TREH: variants seen among roughly 807,000 people sequenced by gnomAD.
TREH encodes trehalase, also known as alpha,alpha-trehalose glucohydrolase.
TREH carries 69 observed loss-of-function variants against 80.5 expected under a neutral mutation model. The observed-to-expected ratio is 0.86, with a 90% CI of 0.71 to 1.05. The LOEUF is 1.05. Among genes scored for constraint, TREH ranks in the 50% least tolerant of loss-of-function variants. The pLI is 0.00. For missense variants in TREH, 716 were observed against 718.8 expected (o/e 1.00, Z 0.04); for synonymous variants, 309 against 293.5 (o/e 1.05, Z -0.54).
chr11:118,661,452 TG>T lies in TREH; in HGVS notation c.674del (p.Pro225HisfsTer3). ...RVYYLQRSQP[P>X]LLTLMMDCYL... The stretch of plus-strand genomic sequence containing the variant: ...AGCAATCCATCATGAGGGTCAAGAG[TG>T]GGGGCTGGCTCCGCTGCAGGTAGTA... On this transcript the variant is annotated frameshift_variant, in exon 7 of 15. Coordinates refer to ENST00000264029, the MANE Select transcript of TREH (RefSeq NM_007180.3). LOFTEE classifies it high-confidence loss of function. The surrounding 1 kb of genome is among the most constrained non-coding windows in gnomAD (Gnocchi z 4.2). 1 of 1,613,468 alleles carries T rather than the reference TG, an allele frequency of 6.2e-7. No individual in the cohort carries two copies. Among genetic ancestry groups the T allele is most frequent in the African/African-American group, 1.3e-5 (1 of 74,876 alleles).
chr11:118,661,827 C>A lies in TREH; in HGVS notation c.524+63G>T. On this transcript the variant is annotated intron_variant, in intron 5 of 14. Transcript: ENST00000264029. This position sits in a 1 kb window ranked among gnomAD's most constrained non-coding sequence, Gnocchi z 4.2. ...GCCCTGCTGAAGACACCCTGCTGGCCCTGGGTTTCTCCACCACTGCCAGTC... is the reference window on the plus strand; with the variant it reads ...GCCCTGCTGAAGACACCCTGCTGGCACTGGGTTTCTCCACCACTGCCAGTC... 6.3e-7 allele frequency: 1 copy of A among 1,583,826 alleles called. No homozygotes were observed. Among genetic ancestry groups the A allele is most frequent in the East Asian group, 2.3e-5 (1 of 43,682 alleles).
intron 4 of TREH, 146 bp downstream of exon 4, chr11:118,662,735 G>A: frequency 1.2e-6 from 1 of 812,172 alleles, no homozygotes; most frequent in South Asian, 1.8e-5. Context: ...CTTTCTAGAG[G>A]GCCTCTATTT....
At chr11:118,669,067 C>T (rs1949407462) in intron 1 of TREH, among the ~76,000 whole-genome samples, 1 of 152,086 alleles carries the variant, frequency 6.6e-6, no homozygotes, top group Admixed American at 6.6e-5. Context: ...AGAAGACATA[C>T]AAATGGCAAA....
At position 118,661,480 on chromosome 11, in the gene TREH, A is replaced by C. The variant is rs1555144954; in HGVS notation, c.647T>G (p.Val216Gly). 6.2e-7 allele frequency: 1 copy of C among 1,613,710 alleles called. No homozygotes were observed. Among genetic ancestry groups the C allele is most frequent in the Admixed American group, 1.7e-5 (1 of 59,992 alleles). Residue 216 changes from valine (V) to glycine (G), a missense_variant, in exon 7 of 15, where the codon GTG (valine) becomes GGG (glycine). Transcript: ENST00000264029. The surrounding 1 kb of genome is among the most constrained non-coding windows in gnomAD (Gnocchi z 4.2). ...TYGHVPNGGRVYYLQRSQPPL... is the reference protein window; with the variant it reads ...TYGHVPNGGRGYYLQRSQPPL... ...GGGCTGGCTCCGCTGCAGGTAGTACACGCGCCCACCATTGGGGACATGCCC... is the reference window on the plus strand; with the variant it reads ...GGGCTGGCTCCGCTGCAGGTAGTACCCGCGCCCACCATTGGGGACATGCCC...
At chr11:118,663,787 G>A (rs1433967150) in intron 1 of TREH, among the ~76,000 whole-genome samples, 2 of 148,306 alleles carry the variant, frequency 1.3e-5, no homozygotes, top group African/African-American at 5.0e-5. Flanking sequence ...GTGTAGACTC[G>A]ATCGGAAGGG....
chr11:118,661,102 A>G lies in TREH; in HGVS notation c.857+58T>C. ...TCCTCCTCCTGCCCGGGGCATTGTG[A>G]TGCTCTAACCAGAGTGAGCAGGTAA... On this transcript the variant is annotated intron_variant, in intron 8 of 14. Transcript: ENST00000264029. The surrounding 1 kb of genome is among the most constrained non-coding windows in gnomAD (Gnocchi z 4.2). 3 of 1,610,350 alleles carry G rather than the reference A, an allele frequency of 1.9e-6. No individual in the cohort carries two copies. Among genetic ancestry groups the G allele is most frequent in the Non-Finnish European group, 1.7e-6 (2 of 1,177,752 alleles).
rs1949514916 is a variant in TREH at position 118,679,631 on chromosome 11, G to A, written c.-4C>T. The A allele has an allele frequency of 2.0e-6, 3 of 1,501,996 alleles. No homozygotes were observed. Among genetic ancestry groups the A allele is most frequent in the African/African-American group, 1.4e-5 (1 of 71,936 alleles). 93.0% of individuals were successfully genotyped at this position (1,501,996 alleles called of 1,614,324 possible). ...GCTCCCAGGTCCTCCCTGGCATGGT[G>A]GCTGTGACTGTGACTGAATGAGCAA... On this transcript the variant is annotated 5_prime_UTR_variant, in exon 1 of 15. Coordinates refer to ENST00000264029, the MANE Select transcript of TREH (RefSeq NM_007180.3).
At position 118,663,145 on chromosome 11, in the gene TREH, A is replaced by T. The variant is rs1485638482; in HGVS notation, c.242T>A (p.Ile81Asn). 6.2e-7 allele frequency: 1 copy of T among 1,613,612 alleles called. No homozygotes were observed. The highest frequency in any genetic ancestry group is 8.5e-7 in the Non-Finnish European group (1 of 1,179,828). The change falls in exon 3 of 15, where the codon ATC becomes AAC. Residue 81 changes from isoleucine (I) to asparagine (N), a missense_variant. Ile to Asn is a moderately radical substitution (Grantham distance 149). Transcript: ENST00000264029. ...AAACGCCTGCAGCTGCTCCCTGGGG[A>T]TGCTGTGATTGTGGTCCCTGGACAG... is the stretch of plus-strand genomic sequence containing the variant. ...TELSRDHNHS[I>N]PREQLQAFVH...
Position 118,661,384 on chromosome 11 carries a change from G to A in TREH, c.734+9C>T. The A allele has an allele frequency of 6.2e-7, 1 of 1,613,878 alleles. No homozygotes were observed. The highest frequency in any genetic ancestry group is 8.5e-7 in the Non-Finnish European group (1 of 1,179,800). ...GTCTGCAGAGCAGCACAGGGAGGGTGGTACCCACTGTAGAAAGGCGGTGTC... is the reference window on the plus strand; with the variant it reads ...GTCTGCAGAGCAGCACAGGGAGGGTAGTACCCACTGTAGAAAGGCGGTGTC... On this transcript the variant is annotated intron_variant, in intron 7 of 14. Coordinates refer to ENST00000264029, the MANE Select transcript of TREH (RefSeq NM_007180.3). The surrounding 1 kb of genome is among the most constrained non-coding windows in gnomAD (Gnocchi z 4.2).
chr11:118,668,458 G>A (rs1949399189), intron 1 of TREH, among the ~76,000 whole-genome samples: 1 of 108,744 alleles, frequency 9.2e-6, no homozygotes, highest in African/African-American at 3.6e-5. Flanking sequence ...TGTTGCTTGG[G>A]AGGCTGAGGT....
At chr11:118,666,277 A>G (rs1555145683) in intron 1 of TREH, among the ~76,000 whole-genome samples, 2 of 152,154 alleles carry the variant, frequency 1.3e-5, no homozygotes, top group East Asian at 1.9e-4. Flanking sequence ...GAAGAGACAT[A>G]GTAGCTGAGG....
intron 1 of TREH, among the ~76,000 whole-genome samples, chr11:118,665,066 G>A (rs760458145): frequency 1.3e-5 from 2 of 151,554 alleles, no homozygotes; most frequent in Admixed American, 6.6e-5. Flanking sequence ...CCGAGATCAC[G>A]CCACTGCAAT....
At chr11:118,659,509 T>C (rs1210655353) in intron 11 of TREH, 28 bp from the exon 12 acceptor site, 8 of 1,528,950 alleles carry the variant, frequency 5.2e-6, no homozygotes, top group Non-Finnish European at 7.1e-6. Flanking sequence ...TTCCCATGAC[T>C]GTGGGTGGGG....
Position 118,675,596 on chromosome 11 carries a change from AG to A in TREH, c.89+3942del, listed in dbSNP as rs1400625351. On this transcript the variant is annotated intron_variant, in intron 1 of 14. Coordinates refer to ENST00000264029, the MANE Select transcript of TREH (RefSeq NM_007180.3). ...TGAAGGGGTGCATGGGGCAAGGTCT[AG>A]GGGGGCCCTGAATGTAGAGCTTCTG... Among the ~76,000 whole-genome samples the A allele has an allele frequency of 8.5e-5, 13 of 152,300 alleles. 1 individual carries two copies. Among genetic ancestry groups the A allele is most frequent in the African/African-American group, 3.1e-4 (13 of 41,552 alleles).
intron 1 of TREH, among the ~76,000 whole-genome samples, chr11:118,676,950 T>C (rs1222356008): frequency 2.0e-5 from 3 of 152,170 alleles, no homozygotes; most frequent in Non-Finnish European, 4.4e-5. Flanking sequence ...ATGAAAGGAT[T>C]GACTCAGCAG....
In TREH at chr11:118,663,162, C is replaced by T. The variant is rs1949344009; in HGVS notation, c.225G>A (p.Arg75=). 3 of 1,613,242 alleles carry T rather than the reference C, an allele frequency of 1.9e-6. No homozygotes were observed. Among genetic ancestry groups the T allele is most frequent in the Non-Finnish European group, 2.5e-6 (3 of 1,179,640 alleles). ...CCCTGGGGATGCTGTGATTGTGGTC[C>T]CTGGACAGCTCAGTGAAGGTCTGCA... ...QVLQTFTELS[R]DHNHSIPREQ... Residue 75 remains arginine (R), a synonymous_variant, in exon 3 of 15, where the codon AGG becomes AGA. Transcript: ENST00000264029.
intron 11 of TREH, 113 bp downstream of exon 11, chr11:118,659,633 AG>A: frequency 7.2e-7 from 1 of 1,397,262 alleles, no homozygotes; most frequent in Non-Finnish European, 9.7e-7. Flanking sequence ...TGGGACCCGC[AG>A]GCTGGGACAA....
At position 118,661,464 on chromosome 11, in the gene TREH, C is replaced by T. The variant is rs1555144949; in HGVS notation, c.663G>A (p.Arg221=). Reference sequence around the variant, plus strand: ...TGAGGGTCAAGAGTGGGGGCTGGCTCCGCTGCAGGTAGTACACGCGCCCAC... The same window carrying T: ...TGAGGGTCAAGAGTGGGGGCTGGCTTCGCTGCAGGTAGTACACGCGCCCAC... ...PNGGRVYYLQ[R]SQPPLLTLMM... is the part of the protein sequence containing the mutation. Residue 221 remains arginine (R), a synonymous_variant, in exon 7 of 15, where the codon CGG becomes CGA. Transcript: ENST00000264029. The surrounding 1 kb of genome is among the most constrained non-coding windows in gnomAD (Gnocchi z 4.2). 1.2e-6 allele frequency: 2 copies of T among 1,613,896 alleles called. No homozygotes were observed. Among genetic ancestry groups the T allele is most frequent in the Non-Finnish European group, 8.5e-7 (1 of 1,179,840 alleles).
rs782473707 is a variant in TREH at position 118,658,352 on chromosome 11, C to T, written c.1689G>A (p.Leu563=). The part of the protein sequence containing the change: ...RLTSGAKLAF[L]EPHCLAATLL... ...GGGTGGCCGCCAGGCAGTGGGGCTC[C>T]AGGAAAGCCAGCTTGGCCCCTGAGG... Residue 563 remains leucine (L), a synonymous_variant, in exon 15 of 15, where the codon CTG becomes CTA. Transcript: ENST00000264029. The T allele has an allele frequency of 6.2e-7, 1 of 1,602,574 alleles. No homozygotes were observed. The highest frequency in any genetic ancestry group is 8.5e-7 in the Non-Finnish European group (1 of 1,175,396).
Sources: gnomAD v4.1 joint callset for allele counts (sites outside exome capture counted in the v4.1 genomes callset) on GRCh38, gnomAD v4.1.1 for gene constraint, Gnocchi (gnomAD v3.1) non-coding constraint, MANE v1.5 for transcripts, NCBI Gene and HGNC (gene_info 2026-07-23, HGNC 2026-07-21) for gene names.